NFIB: variants seen among roughly 807,000 people sequenced by gnomAD.
The protein encoded by NFIB is nuclear factor I B.
In NFIB, 11 loss-of-function variants were observed where a neutral mutation model predicts 61.5. The ratio of observed to expected loss-of-function variants is 0.18; its 90% CI spans 0.11 to 0.30. The LOEUF (loss-of-function observed/expected upper bound fraction) is 0.30. NFIB is among the 10% of genes least tolerant of loss of function. NFIB has a pLI of 1.00. For missense variants in NFIB, 471 were observed against 608.9 expected (o/e 0.77, Z 2.38); for synonymous variants, 260 against 216.5 (o/e 1.20, Z -1.76).
At chr9:14,520,265 C>T in the NFIB span, among the ~76,000 whole-genome samples, 1 of 152,208 alleles carries the variant, frequency 6.6e-6, no homozygotes, top group Admixed American at 6.5e-5. Context: ...ATGAACTACA[C>T]ACATTTTTTC....
chr9:14,494,988 C>A, the NFIB span, among the ~76,000 whole-genome samples: 1 of 152,176 alleles, frequency 6.6e-6, no homozygotes, highest in African/African-American at 2.4e-5. Context: ...TTTTGACAAG[C>A]CATTTACTCC....
At position 14,163,679 on chromosome 9, in the gene NFIB, A is replaced by G. The variant is rs549447019; in HGVS notation, c.617-7786T>C. Among the ~76,000 whole-genome samples the G allele has an allele frequency of 7.8e-4, 119 of 152,200 alleles. 2 individuals carry two copies. In the South Asian group the frequency reaches 0.024, roughly 31 times the overall value. On this transcript the variant is annotated intron_variant, in intron 3 of 10. Coordinates refer to ENST00000380953, the MANE Select transcript of NFIB (RefSeq NM_001190737.2). Reference sequence around the variant, plus strand: ...TAAAGTCACAGTGAGAATTTTTACTATTAATGTATCTTTTTAAGAATTGAA... The same window carrying G: ...TAAAGTCACAGTGAGAATTTTTACTGTTAATGTATCTTTTTAAGAATTGAA...
At position 14,281,486 on chromosome 9, in the gene NFIB, A is replaced by C. The variant is rs139210841; in HGVS notation, c.562+25503T>G. Among the ~76,000 whole-genome samples, 896 of 152,310 alleles carry C rather than the reference A, an allele frequency of 5.9e-3. 11 individuals are homozygous for C. The highest frequency in any genetic ancestry group is 0.021 in the African/African-American group (859 of 41,568). ...TAACAATTATTGTAAAACCAAAAGA[A>C]TGTAGAGAAATGACTTTACCCTATA... On this transcript the variant is annotated intron_variant, in intron 2 of 10. Coordinates refer to ENST00000380953, the MANE Select transcript of NFIB (RefSeq NM_001190737.2).
chr9:14,353,988 A>T (rs2061146037), intron 1 of NFIB, among the ~76,000 whole-genome samples: 1 of 151,912 alleles, frequency 6.6e-6, no homozygotes. Context: ...ATCTGGGGCA[A>T]ATCACTTAAA....
At chr9:14,109,361 A>G (rs1563792894) in intron 10 of NFIB, among the ~76,000 whole-genome samples, 1 of 152,054 alleles carries the variant, frequency 6.6e-6, no homozygotes, top group Non-Finnish European at 1.5e-5. Context: ...ATGAGAGAGA[A>G]AAGGATATAC....
the NFIB span, among the ~76,000 whole-genome samples, chr9:14,494,718 G>C: frequency 2.6e-5 from 4 of 152,062 alleles, no homozygotes; most frequent in Admixed American, 2.6e-4. Flanking sequence ...AATGTACCTG[G>C]GCTCTTTCTT....
chr9:14,195,050 G>A (rs1461828400), intron 2 of NFIB, among the ~76,000 whole-genome samples: 1 of 151,860 alleles, frequency 6.6e-6, no homozygotes, highest in East Asian at 1.9e-4. Context: ...TATTCTTCTA[G>A]GCTTGCTTAA....
intron 2 of NFIB, among the ~76,000 whole-genome samples, chr9:14,208,068 AG>A (rs2049930166): frequency 6.6e-6 from 1 of 152,230 alleles, no homozygotes; most frequent in Non-Finnish European, 1.5e-5. Context: ...CTAAATTCAA[AG>A]GTCACTTCCC....
intron 2 of NFIB, among the ~76,000 whole-genome samples, chr9:14,225,050 G>A (rs2052192733): frequency 6.6e-6 from 1 of 151,920 alleles, no homozygotes. Flanking sequence ...CTGCAACTCT[G>A]TACCCTCTGA....
chr9:14,395,306 C>T (rs2061671437), intron 1 of NFIB, among the ~76,000 whole-genome samples: 1 of 139,120 alleles, frequency 7.2e-6, no homozygotes, highest in South Asian at 2.2e-4. Flanking sequence ...TTCGGGACAG[C>T]CAAAAAAAAA....
intron 2 of NFIB, among the ~76,000 whole-genome samples, chr9:14,229,726 A>G (rs1246547636): frequency 6.6e-6 from 1 of 152,174 alleles, no homozygotes; most frequent in African/African-American, 2.4e-5. Flanking sequence ...GGCCCAGTGC[A>G]AGACCCTCAC....
intron 6 of NFIB, among the ~76,000 whole-genome samples, chr9:14,139,922 G>A (rs1162867307): frequency 1.3e-5 from 2 of 152,148 alleles, no homozygotes; most frequent in Non-Finnish European, 2.9e-5. Flanking sequence ...TCCAATGCCA[G>A]GGTAGTACCT....
chr9:14,259,489 T>C (rs117138724), intron 2 of NFIB, among the ~76,000 whole-genome samples: 2 of 152,220 alleles, frequency 1.3e-5, no homozygotes, highest in Non-Finnish European at 2.9e-5. Context: ...TATGGCTGAG[T>C]CTTGGGTATG....
At chr9:14,188,559 A>G (rs2047622134) in intron 2 of NFIB, among the ~76,000 whole-genome samples, 1 of 152,228 alleles carries the variant, frequency 6.6e-6, no homozygotes, top group East Asian at 1.9e-4. Flanking sequence ...AAACATTTCC[A>G]GCTGTATTTT....
At chr9:14,247,512 GTC>G (rs1203956686) in intron 2 of NFIB, among the ~76,000 whole-genome samples, 1 of 152,206 alleles carries the variant, frequency 6.6e-6, no homozygotes, top group African/African-American at 2.4e-5. Flanking sequence ...TACATGGCAC[GTC>G]TCTGCACTGC....
At chr9:14,286,564 A>C (rs962657247) in intron 2 of NFIB, among the ~76,000 whole-genome samples, 2 of 152,212 alleles carry the variant, frequency 1.3e-5, no homozygotes, top group African/African-American at 4.8e-5. Flanking sequence ...TTTCTTTCAG[A>C]TGATGTTTGT....
In NFIB at chr9:14,125,494, T is replaced by A. The variant is rs1198223005; in HGVS notation, c.1060+138A>T. Reference sequence around the variant, plus strand: ...TAAATTGAGAAGAAAAAATACTTGATCGGATTGTGCCCCTCACCATATGGG... The same window carrying A: ...TAAATTGAGAAGAAAAAATACTTGAACGGATTGTGCCCCTCACCATATGGG... On this transcript the variant is annotated intron_variant, in intron 7 of 10. Transcript: ENST00000380953. 8 of 1,209,536 alleles carry A rather than the reference T, an allele frequency of 6.6e-6. No homozygotes were observed. In the East Asian group the frequency reaches 1.9e-4, roughly 29 times the overall value. 74.9% of individuals were successfully genotyped at this position (1,209,536 alleles called of 1,614,324 possible). A position where few individuals can be genotyped will look rare whatever the true frequency, so the allele number is the denominator to read the frequency against.
At chr9:14,092,422 A>G (rs544404170) in intron 10 of NFIB, among the ~76,000 whole-genome samples, 1 of 152,204 alleles carries the variant, frequency 6.6e-6, no homozygotes, top group Admixed American at 6.5e-5. Context: ...TCTGTTTCAC[A>G]TATGAGGAAA....
At chr9:14,437,134 T>C in the NFIB span, among the ~76,000 whole-genome samples, 1 of 152,154 alleles carries the variant, frequency 6.6e-6, no homozygotes, top group Admixed American at 6.5e-5. Context: ...ATCAGAAAGG[T>C]AAGGTAAATT....
Sources: gnomAD v4.1 joint callset for allele counts (sites outside exome capture counted in the v4.1 genomes callset) on GRCh38, gnomAD v4.1.1 for gene constraint, MANE v1.5 for transcripts, NCBI Gene and HGNC (gene_info 2026-07-23, HGNC 2026-07-21) for gene names.